PITPNB: variants seen among roughly 807,000 people sequenced by gnomAD.
PITPNB encodes phosphatidylinositol transfer protein beta.
Under a neutral mutation model 45.9 loss-of-function variants are expected in PITPNB, and 16 were observed. The observed-to-expected ratio is 0.35, with a 90% CI of 0.24 to 0.53. The LOEUF (loss-of-function observed/expected upper bound fraction) is 0.53, where lower values mean the gene tolerates loss of function less well. Among genes scored for constraint, PITPNB ranks in the 20% least tolerant of loss-of-function variants. The pLI is 0.93. For synonymous variants in PITPNB, 112 were observed against 108.9 expected, an observed-to-expected ratio of 1.03 and a Z score of -0.18; for missense variants, 188 against 330.5, an observed-to-expected ratio of 0.57 and a Z score of 3.34.
At chr22:27,866,962 A>G (rs1283607757) in intron 8 of PITPNB, among the ~76,000 whole-genome samples, 1 of 152,192 alleles carries the variant, frequency 6.6e-6, no homozygotes, top group African/African-American at 2.4e-5. Flanking sequence ...GCAGAACCCC[A>G]TTCCCCAACT....
In PITPNB at chr22:27,897,123, T is replaced by TACTC. The variant is rs768798586; in HGVS notation, c.297+3_297+6dup. ...AAAGTATGAGACACAAAAATAGTTT[T>TACTC]ACTCACCGTTACAACTGAGGCATAA... On this transcript the variant is annotated splice_region_variant and intron_variant, in intron 5 of 11. Transcript: ENST00000335272. 1 of 1,563,794 alleles carries TACTC rather than the reference T, an allele frequency of 6.4e-7. No homozygotes were observed. Among genetic ancestry groups the TACTC allele is most frequent in the Admixed American group, 1.7e-5 (1 of 59,940 alleles).
chr22:27,851,736 A>T lies in PITPNB; in HGVS notation c.*1966T>A, dbSNP rs1341786469. The T allele has an allele frequency of 6.6e-6, 1 of 152,198 alleles. No individual in the cohort carries two copies. Among genetic ancestry groups the T allele is most frequent in the Non-Finnish European group, 1.5e-5 (1 of 68,044 alleles). 9.4% of individuals were successfully genotyped at this position (152,198 alleles called of 1,614,324 possible). A position where few individuals can be genotyped will look rare whatever the true frequency, so the allele number is the denominator to read the frequency against. ...TACTTTGTTTTACTGTAATTTACACAAGAGACTGGCAAGTAAACTAGGTAT... is the reference window on the plus strand; with the variant it reads ...TACTTTGTTTTACTGTAATTTACACTAGAGACTGGCAAGTAAACTAGGTAT... On this transcript the variant is annotated 3_prime_UTR_variant, in exon 12 of 12. Coordinates refer to ENST00000335272, the MANE Select transcript of PITPNB (RefSeq NM_012399.5).
chr22:27,862,246 A>G (rs1934360723), intron 8 of PITPNB, among the ~76,000 whole-genome samples: 1 of 152,208 alleles, frequency 6.6e-6, no homozygotes, highest in Admixed American at 6.5e-5. Flanking sequence ...GTCTTATTCT[A>G]AACCTCAAGA....
chr22:27,885,124 G>A (rs990757500), intron 7 of PITPNB, among the ~76,000 whole-genome samples: 7 of 144,266 alleles, frequency 4.9e-5, no homozygotes, highest in East Asian at 2.1e-4. Flanking sequence ...TTCCTCTCCC[G>A]GGAAGTGACT....
Position 27,911,020 on chromosome 22 carries a change from A to G in PITPNB, c.141T>C (p.Pro47=), listed in dbSNP as rs748121112. Residue 47 remains proline (P), a synonymous_variant, in exon 3 of 12, where the codon CCT becomes CCC. Transcript: ENST00000335272. ...GTCCCTTTTCTCCATCCTTCTCATA[A>G]GGTTCATTCTTTAAGACTTCAATTC... The part of the protein sequence containing the change: ...GEGIEVLKNE[P]YEKDGEKGQY... The G allele has an allele frequency of 5.1e-5, 82 of 1,611,290 alleles. No individual in the cohort carries two copies. Among genetic ancestry groups the G allele is most frequent in the Non-Finnish European group, 6.8e-5 (80 of 1,177,606 alleles).
intron 8 of PITPNB, among the ~76,000 whole-genome samples, chr22:27,872,251 GCCCAGCTAATT>G (rs1391403093): frequency 3.3e-5 from 5 of 151,822 alleles, no homozygotes; most frequent in Admixed American, 2.0e-4. Context: ...GCACCATCGT[GCCCAGCTAATT>G]TTTGGATTTT....
At chr22:27,895,248 C>T (rs1483888359) in intron 6 of PITPNB, among the ~76,000 whole-genome samples, 1 of 152,154 alleles carries the variant, frequency 6.6e-6, no homozygotes, top group African/African-American at 2.4e-5. Context: ...GATTAATGCA[C>T]ACCAAATAAT....
chr22:27,896,204 G>A (rs1265905629), intron 6 of PITPNB, among the ~76,000 whole-genome samples: 1 of 152,190 alleles, frequency 6.6e-6, no homozygotes, highest in Non-Finnish European at 1.5e-5. Context: ...ATCCTGCTAT[G>A]CAGAGCAGCT....
chr22:27,897,659 C>T, intron 4 of PITPNB, 142 bp downstream of exon 4: 1 of 650,290 alleles, frequency 1.5e-6, no homozygotes, highest in Non-Finnish European at 2.8e-6. Flanking sequence ...GCAGCCCTTC[C>T]TCTGCCATCA....
intron 8 of PITPNB, among the ~76,000 whole-genome samples, chr22:27,868,001 TA>T (rs956992898): frequency 8.6e-5 from 13 of 151,622 alleles, no homozygotes; most frequent in Non-Finnish European, 1.6e-4. Flanking sequence ...AACTAGATAT[TA>T]AAAAAAAATC....
chr22:27,879,122 A>G lies in PITPNB; in HGVS notation c.457-5307T>C, dbSNP rs377260329. 1.8e-4 allele frequency among the ~76,000 whole-genome samples: 28 copies of G among 152,032 alleles called. 1 individual carries two copies. The East Asian group carries it at 4.5e-3, about 24-fold the overall frequency. The stretch of plus-strand genomic sequence containing the variant: ...GTGAGCCTGGCATGTGGGTGGTGGG[A>G]GCACTGCTAGGCTAGAGCACAACTA... On this transcript the variant is annotated intron_variant, in intron 7 of 11. Transcript: ENST00000335272.
chr22:27,884,310 G>A (rs561045135), intron 7 of PITPNB, among the ~76,000 whole-genome samples: 10 of 152,310 alleles, frequency 6.6e-5, no homozygotes, highest in Middle Eastern at 3.4e-3. Flanking sequence ...TCATGGGCAG[G>A]TAAGGAAGAG....
At chr22:27,872,831 A>G (rs1311548498) in intron 8 of PITPNB, among the ~76,000 whole-genome samples, 1 of 152,256 alleles carries the variant, frequency 6.6e-6, no homozygotes, top group African/African-American at 2.4e-5. Flanking sequence ...TAACTTGCCA[A>G]TAACACATTA....
At chr22:27,902,155 A>T (rs1042479522) in intron 3 of PITPNB, among the ~76,000 whole-genome samples, 1 of 152,154 alleles carries the variant, frequency 6.6e-6, no homozygotes, top group Non-Finnish European at 1.5e-5. Context: ...TAAGTGGAGC[A>T]AGGGTATTCG....
At chr22:27,857,027 T>C (rs1295614363) in intron 10 of PITPNB, among the ~76,000 whole-genome samples, 1 of 152,122 alleles carries the variant, frequency 6.6e-6, no homozygotes, top group African/African-American at 2.4e-5. Flanking sequence ...ATTTAAGTGT[T>C]TTGCCTGTGG....
chr22:27,868,804 G>A (rs566730599), intron 8 of PITPNB, among the ~76,000 whole-genome samples: 3 of 152,186 alleles, frequency 2.0e-5, no homozygotes, highest in East Asian at 3.9e-4. Flanking sequence ...TGAGACTTCC[G>A]AGACACATCA....
At chr22:27,890,948 C>A (rs138470584) in intron 7 of PITPNB, among the ~76,000 whole-genome samples, 1 of 152,112 alleles carries the variant, frequency 6.6e-6, no homozygotes, top group Non-Finnish European at 1.5e-5. Flanking sequence ...TAAATCAATG[C>A]GAAGTATAAG....
Position 27,910,954 on chromosome 22 carries a change from C to G in PITPNB, c.197+10G>C. 2 of 1,608,850 alleles carry G rather than the reference C, an allele frequency of 1.2e-6. No homozygotes were observed. The highest frequency in any genetic ancestry group is 1.7e-6 in the Non-Finnish European group (2 of 1,175,942). ...GTAGTTACAAGGCGTCAAATGTGAA[C>G]ACCGCTTACCTCTTTAGGTGATAAA... On this transcript the variant is annotated intron_variant, in intron 3 of 11. Coordinates refer to ENST00000335272, the MANE Select transcript of PITPNB (RefSeq NM_012399.5).
In PITPNB at chr22:27,897,874, C is replaced by A; in HGVS notation, c.216G>T (p.Val72=). The A allele has an allele frequency of 6.2e-7, 1 of 1,613,360 alleles. No homozygotes were observed. Among genetic ancestry groups the A allele is most frequent in the Non-Finnish European group, 8.5e-7 (1 of 1,179,284 alleles). ...AGGAGCCCTCGGGAGCAATCATCCT[C>A]ACGAATGCAGGCACTTTGCTGGGAG... ...YHLKSKVPAF[V]RMIAPEGSLV... The change falls in exon 4 of 12, where the codon GTG becomes GTT. Residue 72 remains valine, a synonymous_variant. Transcript: ENST00000335272.
Sources: allele counts gnomAD v4.1 joint callset (sites outside exome capture counted in the v4.1 genomes callset), GRCh38; gene constraint gnomAD v4.1.1; transcripts MANE v1.5; gene names NCBI Gene and HGNC (gene_info 2026-07-23, HGNC 2026-07-21).